Variants in RGPD1 observed in about 807,000 individuals in gnomAD.
RGPD1 encodes the protein RANBP2-like and GRIP domain-containing protein 1.
Under a neutral mutation model 40.6 loss-of-function variants are expected in RGPD1, and 7 were observed. That is an observed-to-expected ratio of 0.17 (90% confidence interval 0.10 to 0.32). RGPD1 has a LOEUF of 0.32. RGPD1 is among the 10% of genes least tolerant of loss of function. RGPD1 has a pLI of 1.00. For missense variants in RGPD1, 50 were observed against 472.5 expected (o/e 0.11, Z 8.29); for synonymous variants, 24 against 167.0 (o/e 0.14, Z 6.60).
intron 1 of RGPD1, among the ~76,000 whole-genome samples, chr2:86,924,082 ATTTT>A (rs879715805): frequency 3.0e-5 from 2 of 66,948 alleles, no homozygotes; most frequent in Middle Eastern, 0.012. Flanking sequence ...GGCTATTTCC[ATTTT>A]TTTTTTTTAA....
chr2:86,925,621 GA>G (rs1372666603), intron 1 of RGPD1, among the ~76,000 whole-genome samples: 1 of 151,644 alleles, frequency 6.6e-6, no homozygotes, highest in Non-Finnish European at 1.5e-5. Context: ...GTATATACAG[GA>G]AAAAAAATGA....
upstream of RGPD1, among the ~76,000 whole-genome samples, chr2:86,941,533 C>G (rs1679749295): frequency 6.7e-6 from 1 of 149,294 alleles, no homozygotes; most frequent in South Asian, 2.1e-4. Flanking sequence ...GCTTGAGCCA[C>G]TGTGCCAGGC....
intron 1 of RGPD1, among the ~76,000 whole-genome samples, chr2:86,943,107 G>A (rs928362492): frequency 4.0e-5 from 6 of 151,414 alleles, no homozygotes; most frequent in African/African-American, 1.2e-4. Flanking sequence ...ACGCAGCTCC[G>A]GGTGAGCTTT....
chr2:86,934,369 A>AG (rs1679200628), intron 1 of RGPD1: 1 of 127,134 alleles, frequency 7.9e-6, no homozygotes, highest in East Asian at 2.5e-4. Flanking sequence ...AAAAAAAAAA[A>AG]AAAATTCTCA....
Position 86,930,180 on chromosome 2 carries a change from C to T in RGPD1, c.72+16259C>T, listed in dbSNP as rs545988159. ...GGGTCACCCCTGCCCCAGACTCACC[C>T]TCCTGATGAGGGAGGGCACTCTGGT... On this transcript the variant is annotated intron_variant, in intron 1 of 22. Transcript: ENST00000398193. The T allele has an allele frequency of 5.4e-3, 7,832 of 1,451,380 alleles. 1,358 individuals are homozygous for T. The East Asian group carries it at 0.059, about 11-fold the overall frequency. 89.9% of individuals were successfully genotyped at this position (1,451,380 alleles called of 1,614,324 possible). A position where few individuals can be genotyped will look rare whatever the true frequency, so the allele number is the denominator to read the frequency against.
intron 1 of RGPD1, among the ~76,000 whole-genome samples, chr2:86,930,046 C>G (rs1267593252): frequency 7.0e-6 from 1 of 143,692 alleles, no homozygotes; most frequent in South Asian, 2.3e-4. Context: ...GGCACTAACC[C>G]TCACCTCCTT....
chr2:86,925,425 C>A (rs1350348604), intron 1 of RGPD1, among the ~76,000 whole-genome samples: 1 of 150,944 alleles, frequency 6.6e-6, no homozygotes, highest in Non-Finnish European at 1.5e-5. Context: ...CGCCACCACA[C>A]CTGGCTAATT....
At chr2:86,924,511 G>A (rs1045021565) in intron 1 of RGPD1, among the ~76,000 whole-genome samples, 1 of 150,246 alleles carries the variant, frequency 6.7e-6, no homozygotes, top group African/African-American at 2.4e-5. Flanking sequence ...TTTTGCCTAC[G>A]CCGGACTGCA....
chr2:86,956,662 TG>T (rs1218145283), intron 4 of RGPD1, among the ~76,000 whole-genome samples: 2 of 140,326 alleles, frequency 1.4e-5, no homozygotes, highest in African/African-American at 5.7e-5. Flanking sequence ...AGAAACCAGT[TG>T]GGAGGGTTCT....
At chr2:86,943,070 T>C (rs1337113147) in intron 1 of RGPD1, among the ~76,000 whole-genome samples, 1 of 151,394 alleles carries the variant, frequency 6.6e-6, no homozygotes, top group Non-Finnish European at 1.5e-5. Flanking sequence ...CGTACCTCCT[T>C]GGCCTGGAGG....
At position 86,913,924 on chromosome 2, in the gene RGPD1, G is replaced by A. The variant is rs767859345; in HGVS notation, c.72+3G>A. 2.3e-5 allele frequency: 34 copies of A among 1,499,452 alleles called. 2 individuals are homozygous for A. Among genetic ancestry groups the A allele is most frequent in the Non-Finnish European group, 2.8e-5 (31 of 1,126,808 alleles). The allele number at this position is 1,499,452 out of a possible 1,614,324, so 92.9% of individuals were successfully genotyped here. ...GCTCCGCCCCGTCGCCTGGAAAGGT[G>A]AGTGGATCTCGAAGAGACCGACGGC... On this transcript the variant is annotated splice_donor_region_variant and intron_variant, in intron 1 of 22. Coordinates refer to the RGPD1 transcript ENST00000398193.
intron 1 of RGPD1, among the ~76,000 whole-genome samples, chr2:86,927,201 G>T (rs1458779487): frequency 1.3e-5 from 2 of 150,794 alleles, no homozygotes; most frequent in Non-Finnish European, 3.0e-5. Context: ...GGTATGTTCC[G>T]TGGAGTAAAT....
rs1679326791 is a variant in RGPD1 at position 86,936,007 on chromosome 2, A to G, written c.73-15289A>G. ...TATCAAAAACAAATTTGTTGGAAAA[A>G]AAATTTTTTTTTTTTGAGATGGAGT... is the stretch of plus-strand genomic sequence containing the variant. On this transcript the variant is annotated intron_variant, in intron 1 of 22. Transcript: ENST00000398193. Among the ~76,000 whole-genome samples, 2 of 129,352 alleles carry G rather than the reference A, an allele frequency of 1.5e-5. 1 individual carries two copies. The allele number at this position is 129,352 out of a possible 152,430, so 84.9% of individuals were successfully genotyped here.
At position 87,013,428 on chromosome 2, in the gene RGPD1, G is replaced by T. The variant is rs890759883; in HGVS notation, c.*881G>T. The T allele has an allele frequency of 3.6e-5, 5 of 140,060 alleles. 2 individuals carry two copies. The highest frequency in any genetic ancestry group is 2.6e-4 in the African/African-American group (5 of 19,372). 8.7% of individuals were successfully genotyped at this position (140,060 alleles called of 1,614,324 possible). On this transcript the variant is annotated 3_prime_UTR_variant, in exon 23 of 23. Transcript: ENST00000641458. ...GCTCACATTCTAGTGGAATCAGACAGGGGGGTTACAGGAAATATTCAAGTA... is the reference window on the plus strand; with the variant it reads ...GCTCACATTCTAGTGGAATCAGACATGGGGGTTACAGGAAATATTCAAGTA...
At chr2:86,988,127 C>G (rs62148322) in intron 20 of RGPD1, among the ~76,000 whole-genome samples, 2,718 of 71,350 alleles carry the variant, frequency 0.038, 22 homozygotes, top group Non-Finnish European at 0.046. Flanking sequence ...TTCATTTGTT[C>G]TGTTTCTTTT....
chr2:87,000,303 G>A (rs1458355329), intron 22 of RGPD1, among the ~76,000 whole-genome samples: 1 of 133,456 alleles, frequency 7.5e-6, no homozygotes, highest in East Asian at 2.0e-4. Context: ...TGTCTAACAG[G>A]TCTCTTTTAA....
At chr2:86,943,765 C>G (rs1209055880) in intron 1 of RGPD1, among the ~76,000 whole-genome samples, 1 of 152,220 alleles carries the variant, frequency 6.6e-6, no homozygotes, top group Non-Finnish European at 1.5e-5. Context: ...AATCCCACCA[C>G]TTTGGGAGGC....
upstream of RGPD1, among the ~76,000 whole-genome samples, chr2:86,941,522 G>A (rs1014502580): frequency 6.7e-6 from 1 of 148,408 alleles, no homozygotes; most frequent in African/African-American, 2.5e-5. Context: ...TGGGGCTACC[G>A]GCTTGAGCCA....
upstream of RGPD1, among the ~76,000 whole-genome samples, chr2:86,941,115 AT>A (rs778739681): frequency 3.3e-5 from 5 of 152,174 alleles, no homozygotes; most frequent in Non-Finnish European, 7.3e-5. Context: ...CCAGTTAAAA[AT>A]ATCAACGCAT....
Sources: allele counts gnomAD v4.1 joint callset (sites outside exome capture counted in the v4.1 genomes callset), GRCh38; gene constraint gnomAD v4.1.1; transcripts MANE v1.5; gene names NCBI Gene and HGNC (gene_info 2026-07-23, HGNC 2026-07-21).